The following GRID1 variants were observed in gnomAD, a reference collection of about 807,000 sequenced individuals.
GRID1 encodes the protein glutamate ionotropic receptor delta type subunit 1.
In GRID1, 28 loss-of-function variants were observed where a neutral mutation model predicts 98.0. The ratio of observed to expected loss-of-function variants is 0.29; its 90% CI spans 0.21 to 0.39. The LOEUF (loss-of-function observed/expected upper bound fraction) is 0.39. GRID1 is among the 10% of genes least tolerant of loss of function. The probability of loss-of-function intolerance (pLI) is 1.00; values close to 1 mark genes in which losing one functional copy is unlikely to be tolerated. For synonymous variants in GRID1, 553 were observed against 538.5 expected (o/e 1.03, Z -0.37); for missense variants, 1,111 against 1,340.5 (o/e 0.83, Z 2.67).
chr10:86,196,095 C>G (rs985863999), intron 3 of GRID1, among the ~76,000 whole-genome samples: 4 of 151,996 alleles, frequency 2.6e-5, no homozygotes, highest in Admixed American at 2.0e-4. Context: ...TTCCATGGAC[C>G]CCTTCATCCT....
chr10:85,804,193 A>G (rs1842601806), intron 8 of GRID1, among the ~76,000 whole-genome samples: 1 of 151,888 alleles, frequency 6.6e-6, no homozygotes, highest in African/African-American at 2.4e-5. Flanking sequence ...TAGGGAGTAA[A>G]AGACAGGGTA....
At chr10:85,680,178 C>T (rs1590187174) in intron 12 of GRID1, among the ~76,000 whole-genome samples, 2 of 152,186 alleles carry the variant, frequency 1.3e-5, no homozygotes, top group East Asian at 3.8e-4. Context: ...CAGAATGAGG[C>T]TGCAGGCAGA....
intron 2 of GRID1, among the ~76,000 whole-genome samples, chr10:86,274,342 C>T (rs1042913779): frequency 6.6e-6 from 1 of 152,144 alleles, no homozygotes; most frequent in African/African-American, 2.4e-5. Flanking sequence ...AGTCAGATAG[C>T]GTGATGCCTC....
rs553981489 is a variant in GRID1, at chr10:85,707,905, T to A, written c.1997+15098A>T. On this transcript the variant is annotated intron_variant, in intron 12 of 15. Coordinates refer to ENST00000327946, the MANE Select transcript of GRID1 (RefSeq NM_017551.3). ...ACATGTTCTCACTCATAGGTGGGAA[T>A]TGAACAATGAGAACACATGGACACA... 2.7e-3 allele frequency among the ~76,000 whole-genome samples: 417 copies of A among 151,972 alleles called. 2 individuals are homozygous for A. The highest frequency in any genetic ancestry group is 3.9e-3 in the Non-Finnish European group (262 of 67,958).
intron 4 of GRID1, among the ~76,000 whole-genome samples, chr10:86,108,850 C>T (rs1367043092): frequency 6.6e-6 from 1 of 152,130 alleles, no homozygotes; most frequent in Admixed American, 6.5e-5. Context: ...AGTTGTGTTT[C>T]GATCACTCAG....
chr10:85,877,823 G>A (rs141060416), intron 5 of GRID1, among the ~76,000 whole-genome samples: 9,085 of 152,222 alleles, frequency 0.06, 308 homozygotes, highest in Non-Finnish European at 0.071. Context: ...AAAATACTCC[G>A]AGCTATAGGA....
At chr10:85,685,592 C>G (rs1379189247) in intron 12 of GRID1, among the ~76,000 whole-genome samples, 1 of 151,858 alleles carries the variant, frequency 6.6e-6, no homozygotes, top group African/African-American at 2.4e-5. Context: ...CAAGAGTAAC[C>G]AAAATACTCT....
chr10:86,247,883 G>A (rs965551186), intron 2 of GRID1, among the ~76,000 whole-genome samples: 2 of 152,162 alleles, frequency 1.3e-5, no homozygotes, highest in Admixed American at 6.5e-5. Flanking sequence ...GGACCAACTT[G>A]AGCCCAAGAC....
At chr10:86,257,376 T>C (rs534096333) in intron 2 of GRID1, among the ~76,000 whole-genome samples, 1 of 152,164 alleles carries the variant, frequency 6.6e-6, no homozygotes, top group African/African-American at 2.4e-5. Context: ...ATACAGTGTG[T>C]GGGATACAAA....
In GRID1 at chr10:86,012,450, C is replaced by T. The variant is rs77892758; in HGVS notation, c.727-96211G>A. ...GAGAGAGCTGGCAGAGGTTAATTGA[C>T]CCTGACCCTGAACCTTTTACAAGGC... On this transcript the variant is annotated intron_variant, in intron 4 of 15. Transcript: ENST00000327946. Among the ~76,000 whole-genome samples, 143 of 152,266 alleles carry T rather than the reference C, an allele frequency of 9.4e-4. 3 individuals carry two copies. In the East Asian group the frequency reaches 0.026, roughly 27 times the overall value.
intron 5 of GRID1, among the ~76,000 whole-genome samples, chr10:85,889,942 G>A (rs1422053512): frequency 6.6e-6 from 1 of 151,884 alleles, no homozygotes; most frequent in Admixed American, 6.6e-5. Context: ...CACATATTCG[G>A]GGGTATATAA....
chr10:85,792,546 G>T (rs1181318825), intron 8 of GRID1, among the ~76,000 whole-genome samples: 3 of 152,180 alleles, frequency 2.0e-5, no homozygotes, highest in African/African-American at 7.2e-5. Context: ...GAGGAATCCA[G>T]CTTGAGATCT....
In GRID1 at chr10:86,069,757, G is replaced by A. The variant is rs140960036; in HGVS notation, c.726+69062C>T. On this transcript the variant is annotated intron_variant, in intron 4 of 15. Coordinates refer to ENST00000327946, the MANE Select transcript of GRID1 (RefSeq NM_017551.3). ...CTTGTTTTCAGTGGAAAAGATGTCC[G>A]GGAAGTTACAAGGCAAGCTAGTCCA... 3.5e-3 allele frequency among the ~76,000 whole-genome samples: 538 copies of A among 152,282 alleles called. 4 individuals carry two copies. Among genetic ancestry groups the A allele is most frequent in the African/African-American group, 0.012 (516 of 41,550 alleles).
At chr10:86,010,027 A>G (rs2131880417) in intron 4 of GRID1, among the ~76,000 whole-genome samples, 1 of 150,188 alleles carries the variant, frequency 6.7e-6, no homozygotes, top group East Asian at 2.0e-4. Context: ...ACAGAATAGG[A>G]TCCAGGGCAA....
chr10:86,202,652 A>C (rs1373381885), intron 3 of GRID1, among the ~76,000 whole-genome samples: 2 of 152,258 alleles, frequency 1.3e-5, no homozygotes, highest in East Asian at 3.8e-4. Context: ...AACCATATAC[A>C]TACCAACTCC....
chr10:85,960,876 T>G (rs1214796240), intron 4 of GRID1, among the ~76,000 whole-genome samples: 1 of 152,106 alleles, frequency 6.6e-6, no homozygotes, highest in Non-Finnish European at 1.5e-5. Flanking sequence ...CTTGAGAACT[T>G]TCCTGCTTGT....
intron 4 of GRID1, among the ~76,000 whole-genome samples, chr10:85,957,562 CAG>C (rs796968044): frequency 3.3e-5 from 5 of 152,266 alleles, no homozygotes; most frequent in African/African-American, 1.2e-4. Flanking sequence ...AAAATGAAAT[CAG>C]AGAGCAGTAG....
At chr10:85,683,762 C>G (rs937560345) in intron 12 of GRID1, among the ~76,000 whole-genome samples, 13 of 152,078 alleles carry the variant, frequency 8.5e-5, no homozygotes, top group African/African-American at 3.1e-4. Context: ...AACTTTTGGC[C>G]CAGATAGCTT....
chr10:85,854,862 T>C (rs1843094168), intron 7 of GRID1, among the ~76,000 whole-genome samples: 1 of 152,232 alleles, frequency 6.6e-6, no homozygotes, highest in Non-Finnish European at 1.5e-5. Context: ...ACCATCTATA[T>C]GCTTAGAGTC....
Sources: gnomAD v4.1 joint callset for allele counts (sites outside exome capture counted in the v4.1 genomes callset) on GRCh38, gnomAD v4.1.1 for gene constraint, MANE v1.5 for transcripts, NCBI Gene and HGNC (gene_info 2026-07-23, HGNC 2026-07-21) for gene names.